The following FAM193B variants were observed in gnomAD, a reference collection of about 807,000 sequenced individuals.
FAM193B encodes the protein protein FAM193B.
A neutral mutation model predicts 70.7 loss-of-function variants in FAM193B; 27 were observed. The observed-to-expected ratio is 0.38, with a 90% CI of 0.28 to 0.53. The LOEUF (loss-of-function observed/expected upper bound fraction) is 0.53. Among genes scored for constraint, FAM193B ranks in the 20% least tolerant of loss-of-function variants. The pLI is 0.81. For synonymous variants in FAM193B, 448 were observed against 436.0 expected, an observed-to-expected ratio of 1.03 and a Z score of -0.34; for missense variants, 1,022 against 1,072.5, an observed-to-expected ratio of 0.95 and a Z score of 0.66.
chr5:177,539,947 T>C (rs1764645820), intron 1 of FAM193B, among the ~76,000 whole-genome samples: 1 of 152,118 alleles, frequency 6.6e-6, no homozygotes, highest in Non-Finnish European at 1.5e-5. Context: ...TGTATGCCCA[T>C]AGCATAGGCC....
intron 1 of FAM193B, among the ~76,000 whole-genome samples, chr5:177,542,281 C>T (rs1230566555): frequency 6.6e-6 from 1 of 152,174 alleles, no homozygotes; most frequent in Non-Finnish European, 1.5e-5. Flanking sequence ...TATCACTTAC[C>T]AGCTGTAAGA....
Position 177,532,247 on chromosome 5 carries a change from G to T in FAM193B, c.1275+196C>A. 6.7e-7 allele frequency: 1 copy of T among 1,492,894 alleles called. No individual in the cohort carries two copies. The highest frequency in any genetic ancestry group is 8.9e-7 in the Non-Finnish European group (1 of 1,127,546). The allele number at this position is 1,492,894 out of a possible 1,614,324, so 92.5% of individuals were successfully genotyped here. A position where few individuals can be genotyped will look rare whatever the true frequency, so the allele number is the denominator to read the frequency against. Reference sequence around the variant, plus strand: ...TAAGAGAAACCATGAGAAGAGCAAAGGTAGCAAAATGTTTAAAAACCCCTA... The same window carrying T: ...TAAGAGAAACCATGAGAAGAGCAAATGTAGCAAAATGTTTAAAAACCCCTA... On this transcript the variant is annotated intron_variant, in intron 5 of 8. Coordinates refer to ENST00000514747, the MANE Select transcript of FAM193B (RefSeq NM_001190946.3). The surrounding 1 kb of genome is among the most constrained non-coding windows in gnomAD (Gnocchi z 4.9).
intron 1 of FAM193B, among the ~76,000 whole-genome samples, chr5:177,551,269 ATT>A (rs33979381): frequency 0.03 from 4,529 of 151,224 alleles, 261 homozygotes; most frequent in African/African-American, 0.1. Flanking sequence ...GTTGTTCTTT[ATT>A]TTTTTTTTTG....
intron 1 of FAM193B, among the ~76,000 whole-genome samples, chr5:177,550,386 T>C (rs1766050884): frequency 6.6e-6 from 1 of 152,160 alleles, no homozygotes; most frequent in African/African-American, 2.4e-5. Flanking sequence ...GCACCCCAAA[T>C]AAAGGTCCTG....
intron 3 of FAM193B, 136 bp from the exon 4 acceptor site, chr5:177,536,881 G>C: frequency 2.5e-6 from 3 of 1,214,530 alleles, no homozygotes; most frequent in South Asian, 3.1e-5. Context: ...CCCTGGAGCT[G>C]CAGAAGATTC....
chr5:177,531,931 C>G, intron 5 of FAM193B: 1 of 1,248,558 alleles, frequency 8.0e-7, no homozygotes, highest in Non-Finnish European at 1.0e-6. Flanking sequence ...TCTACCCTAA[C>G]CAGCGGCCCT....
chr5:177,538,229 AC>A lies in FAM193B; in HGVS notation c.454-123del. On this transcript the variant is annotated intron_variant, in intron 2 of 8. Coordinates refer to ENST00000514747, the MANE Select transcript of FAM193B (RefSeq NM_001190946.3). The surrounding 1 kb of genome is among the most constrained non-coding windows in gnomAD (Gnocchi z 4.1). ...CCAGACCATGTGCCATAGCAAAAAC[AC>A]AATTAATACAACTCCAGCTATAAGA... The A allele has an allele frequency of 4.1e-6, 4 of 965,010 alleles. No homozygotes were observed. Among genetic ancestry groups the A allele is most frequent in the Non-Finnish European group, 6.0e-6 (4 of 664,932 alleles). The allele number at this position is 965,010 out of a possible 1,614,324, so 59.8% of individuals were successfully genotyped here. A position where few individuals can be genotyped will look rare whatever the true frequency, so the allele number is the denominator to read the frequency against.
At chr5:177,546,583 G>T (rs1765452846) in intron 1 of FAM193B, among the ~76,000 whole-genome samples, 1 of 152,244 alleles carries the variant, frequency 6.6e-6, no homozygotes, top group African/African-American at 2.4e-5. Context: ...TCAGTGAGAA[G>T]AATCTCAGAC....
chr5:177,530,702 G>A (rs1165529115), intron 5 of FAM193B, among the ~76,000 whole-genome samples: 1 of 152,126 alleles, frequency 6.6e-6, no homozygotes, highest in African/African-American at 2.4e-5. Flanking sequence ...CAGCTCTTCC[G>A]CAGGGCCTCA....
At chr5:177,537,568 A>G (rs774848150) in intron 3 of FAM193B, among the ~76,000 whole-genome samples, 1 of 152,208 alleles carries the variant, frequency 6.6e-6, no homozygotes, top group Non-Finnish European at 1.5e-5. Flanking sequence ...TCTAAGTCCT[A>G]TGACTCCACT....
At chr5:177,540,707 AGC>A (rs1432724940) in intron 1 of FAM193B, among the ~76,000 whole-genome samples, 1 of 152,194 alleles carries the variant, frequency 6.6e-6, no homozygotes, top group Admixed American at 6.5e-5. Context: ...CCCAGCCGAG[AGC>A]AGACTCATGA....
intron 1 of FAM193B, 27 bp downstream of exon 1, chr5:177,554,222 C>T (rs1345372043): frequency 6.7e-7 from 1 of 1,488,856 alleles, no homozygotes; most frequent in African/African-American, 1.4e-5. Context: ...GCGCCCGAGC[C>T]GCCGAAGTCT....
intron 7 of FAM193B, among the ~76,000 whole-genome samples, chr5:177,522,475 G>C (rs77124478): frequency 2.0e-3 from 303 of 152,170 alleles, no homozygotes; most frequent in African/African-American, 7.0e-3. Context: ...AACCTGCACT[G>C]CTCTTCCCAT....
intron 1 of FAM193B, among the ~76,000 whole-genome samples, chr5:177,540,140 A>G (rs1561777520): frequency 6.6e-6 from 1 of 151,964 alleles, no homozygotes; most frequent in Non-Finnish European, 1.5e-5. Context: ...CCCCGTCTCC[A>G]CTAAAAACAC....
chr5:177,534,104 C>T (rs1031366183), intron 4 of FAM193B, among the ~76,000 whole-genome samples: 4 of 152,138 alleles, frequency 2.6e-5, no homozygotes, highest in East Asian at 1.9e-4. Context: ...AGAGCAAGGA[C>T]GGAGCTCAAG....
chr5:177,535,963 T>C (rs1581893691), intron 4 of FAM193B, among the ~76,000 whole-genome samples: 2 of 149,962 alleles, frequency 1.3e-5, no homozygotes, highest in Admixed American at 6.7e-5. Flanking sequence ...CAGGCTGGAG[T>C]GCAGTGGCAT....
chr5:177,543,216 G>A (rs1351419337), intron 1 of FAM193B, among the ~76,000 whole-genome samples: 1 of 152,112 alleles, frequency 6.6e-6, no homozygotes, highest in African/African-American at 2.4e-5. Context: ...AGGATAGGTT[G>A]TCTTCCTAGT....
At chr5:177,550,279 T>C (rs1391705093) in intron 1 of FAM193B, among the ~76,000 whole-genome samples, 1 of 152,182 alleles carries the variant, frequency 6.6e-6, no homozygotes, top group Non-Finnish European at 1.5e-5. Context: ...CCCCTCAGTA[T>C]CATTTCCTCC....
intron 1 of FAM193B, chr5:177,553,373 C>T: frequency 7.0e-6 from 7 of 997,456 alleles, no homozygotes; most frequent in Non-Finnish European, 8.4e-6. Context: ...AGCCAAAAGA[C>T]CAACTCAAAA....
Sources: allele counts gnomAD v4.1 joint callset (sites outside exome capture counted in the v4.1 genomes callset), GRCh38; gene constraint gnomAD v4.1.1; non-coding constraint Gnocchi (gnomAD v3.1); transcripts MANE v1.5; gene names NCBI Gene and HGNC (gene_info 2026-07-23, HGNC 2026-07-21).